Variants in CEP164 observed in about 807,000 individuals in gnomAD.
CEP164 encodes the protein centrosomal protein of 164 kDa.
A neutral mutation model predicts 182.7 loss-of-function variants in CEP164; 162 were observed. The ratio of observed to expected loss-of-function variants is 0.89; its 90% confidence interval spans 0.78 to 1.01. The LOEUF is 1.01. CEP164 is among the 50% of genes least tolerant of loss of function. The pLI is 0.00. For missense variants in CEP164, 1,735 were observed against 1,790.4 expected, an observed-to-expected ratio of 0.97 and a Z score of 0.56; for synonymous variants, 661 against 690.0, an observed-to-expected ratio of 0.96 and a Z score of 0.66.
At chr11:117,410,104 G>A (rs1027243792) in intron 30 of CEP164, 139 bp downstream of exon 30, 5 of 829,352 alleles carry the variant, frequency 6.0e-6, no homozygotes, top group African/African-American at 3.4e-5. Context: ...CTCCCCCAAC[G>A]TTACCATAGT....
chr11:117,396,205 G>A (rs2045438392), intron 25 of CEP164, 25 bp downstream of exon 25: 3 of 1,600,386 alleles, frequency 1.9e-6, no homozygotes, highest in African/African-American at 2.7e-5. Context: ...GGGGCCTGGG[G>A]GCTGGGGCAC....
intron 27 of CEP164, among the ~76,000 whole-genome samples, chr11:117,406,160 G>A (rs2046652014): frequency 6.6e-6 from 1 of 152,118 alleles, no homozygotes; most frequent in Non-Finnish European, 1.5e-5. Flanking sequence ...ACCTAAAACT[G>A]GGAAGAAAAA....
Position 117,396,125 on chromosome 11 carries a change from C to T in CEP164, c.3161C>T (p.Ser1054Phe), listed in dbSNP as rs2045423295. The T allele has an allele frequency of 6.2e-7, 1 of 1,614,152 alleles. No individual in the cohort carries two copies. The highest frequency in any genetic ancestry group is 2.2e-5 in the East Asian group (1 of 44,868). ...REVTVEENNA[S>F]PHFEPDLHIE... ...GTGACAGTTGAGGAAAATAATGCTTCCCCACATTTTGAGCCAGATCTCCAT... is the reference window on the plus strand; with the variant it reads ...GTGACAGTTGAGGAAAATAATGCTTTCCCACATTTTGAGCCAGATCTCCAT... Residue 1054 changes from serine to phenylalanine, a missense_variant, in exon 25 of 33, where the codon TCC (serine) becomes TTC (phenylalanine). Transcript: ENST00000278935.
rs942218018 is a variant in CEP164 at position 117,406,878 on chromosome 11, G to A, written c.3502-1047G>A. On this transcript the variant is annotated intron_variant, in intron 27 of 32. Coordinates refer to ENST00000278935, the MANE Select transcript of CEP164 (RefSeq NM_014956.5). Reference sequence around the variant, plus strand: ...TGGGAGGCCGGGGCGGGTGGATCACGAGGTCAGGAGTTCAAGACCAGACTG... The same window carrying A: ...TGGGAGGCCGGGGCGGGTGGATCACAAGGTCAGGAGTTCAAGACCAGACTG... Among the ~76,000 whole-genome samples, 4 of 151,934 alleles carry A rather than the reference G, an allele frequency of 2.6e-5. No homozygotes were observed. In the East Asian group the frequency reaches 5.8e-4, roughly 22 times the overall value.
chr11:117,334,831 C>G (rs1231444102), intron 1 of CEP164, among the ~76,000 whole-genome samples: 1 of 150,172 alleles, frequency 6.7e-6, no homozygotes, highest in East Asian at 1.9e-4. Flanking sequence ...ATGTATATAG[C>G]AAATTAGTCT....
chr11:117,371,042 T>C (rs1293737901), intron 8 of CEP164, 38 bp from the exon 9 acceptor site: 1 of 1,529,708 alleles, frequency 6.5e-7, no homozygotes, highest in East Asian at 2.3e-5. Context: ...TGCACATTCC[T>C]TTTGTCTTCC....
intron 17 of CEP164, 71 bp downstream of exon 17, chr11:117,391,286 A>G: frequency 7.0e-7 from 1 of 1,428,332 alleles, no homozygotes; most frequent in East Asian, 2.5e-5. Flanking sequence ...CTGAGTGCAC[A>G]AGGAGAAGAA....
Position 117,395,109 on chromosome 11 carries a change from C to G in CEP164, c.2845-14C>G. ...TCTGCAGTCAGCCAGAAAATCCTGTCTCTTCCCTGCAAGGAGGAGACCGCC... is the reference window on the plus strand; with the variant it reads ...TCTGCAGTCAGCCAGAAAATCCTGTGTCTTCCCTGCAAGGAGGAGACCGCC... On this transcript the variant is annotated splice_polypyrimidine_tract_variant and intron_variant, in intron 22 of 32. Coordinates refer to ENST00000278935, the MANE Select transcript of CEP164 (RefSeq NM_014956.5). 6.2e-7 allele frequency: 1 copy of G among 1,614,130 alleles called. No homozygotes were observed. Among genetic ancestry groups the G allele is most frequent in the African/African-American group, 1.3e-5 (1 of 75,034 alleles).
chr11:117,391,570 AT>A (rs1204341689), intron 17 of CEP164, among the ~76,000 whole-genome samples: 2 of 151,892 alleles, frequency 1.3e-5, no homozygotes, highest in Non-Finnish European at 2.9e-5. Context: ...ACTGAAAGAG[AT>A]TTAGCCAGAC....
intron 8 of CEP164, among the ~76,000 whole-genome samples, chr11:117,366,874 G>T (rs11607073): frequency 1.3e-5 from 2 of 152,088 alleles, no homozygotes; most frequent in African/African-American, 2.4e-5. Flanking sequence ...CTTTTGGGGG[G>T]CATGTTAAAT....
intron 1 of CEP164, among the ~76,000 whole-genome samples, chr11:117,331,789 C>T (rs773684774): frequency 1.3e-5 from 2 of 151,326 alleles, no homozygotes; most frequent in Non-Finnish European, 2.9e-5. Flanking sequence ...CTCTGTTGCC[C>T]AGGCTGGAGT....
Position 117,409,900 on chromosome 11 carries a change from TC to T in CEP164, c.4035del (p.Ser1346ProfsTer67). On this transcript the variant is annotated frameshift_variant, in exon 30 of 33. Transcript: ENST00000278935. LOFTEE classifies it high-confidence loss of function. This position sits in a 1 kb window ranked among gnomAD's most constrained non-coding sequence, Gnocchi z 4.4. The part of the protein sequence containing the change: ...WAWDSGQGPR[L>X]PSSVAQTVDD... ...TGGGATTCAGGGCAGGGGCCCAGGC[TC>T]CCCTCCTCTGTGGCTCAAACGGTGG... 6.2e-7 allele frequency: 1 copy of T among 1,612,598 alleles called. No individual in the cohort carries two copies. The highest frequency in any genetic ancestry group is 8.5e-7 in the Non-Finnish European group (1 of 1,179,856).
At chr11:117,342,314 A>G (rs1592027397) in intron 3 of CEP164, among the ~76,000 whole-genome samples, 1 of 152,082 alleles carries the variant, frequency 6.6e-6, no homozygotes, top group East Asian at 1.9e-4. Flanking sequence ...GGGTATGTCA[A>G]CCTCCAGATT....
chr11:117,382,624 A>G lies in CEP164; in HGVS notation c.1578-172A>G, dbSNP rs564810378. 33 of 702,926 alleles carry G rather than the reference A, an allele frequency of 4.7e-5. No homozygotes were observed. In the East Asian group the frequency reaches 7.7e-4, roughly 16 times the overall value. The allele number at this position is 702,926 out of a possible 1,614,324, so 43.5% of individuals were successfully genotyped here. On this transcript the variant is annotated intron_variant, in intron 13 of 32. Transcript: ENST00000278935. ...CAGGAGTCTCTAGTCTTTGATGCAA[A>G]TAATTCAGGGAGAGGAAGGGCGGGG...
intron 4 of CEP164, among the ~76,000 whole-genome samples, chr11:117,349,897 C>T (rs2039402654): frequency 6.6e-6 from 1 of 152,014 alleles, no homozygotes; most frequent in Admixed American, 6.6e-5. Flanking sequence ...GCCTTAGCCT[C>T]CTGAGTAGCT....
chr11:117,344,113 T>G, intron 3 of CEP164, 53 bp from the exon 4 acceptor site: 1 of 1,037,980 alleles, frequency 9.6e-7, no homozygotes, highest in South Asian at 1.5e-5. Context: ...AGATTGTGAG[T>G]TTTTTTCTTC....
chr11:117,390,752 A>G, intron 15 of CEP164, 25 bp from the exon 16 acceptor site: 1 of 1,613,686 alleles, frequency 6.2e-7, no homozygotes, highest in Non-Finnish European at 8.5e-7. Flanking sequence ...TTCTCTGACA[A>G]CCTAGCCTTT....
At chr11:117,330,518 AGG>A (rs2036037879) in intron 1 of CEP164, among the ~76,000 whole-genome samples, 2 of 152,136 alleles carry the variant, frequency 1.3e-5, no homozygotes, top group African/African-American at 4.8e-5. Flanking sequence ...GCGTGGTGGC[AGG>A]CGCCTGTAAT....
intron 27 of CEP164, among the ~76,000 whole-genome samples, chr11:117,403,847 T>C (rs1441453490): frequency 2.0e-5 from 3 of 152,124 alleles, no homozygotes; most frequent in South Asian, 4.1e-4. Context: ...GAGGCTTTGC[T>C]TGTTCCTTTT....
Sources: gnomAD v4.1 joint callset for allele counts (sites outside exome capture counted in the v4.1 genomes callset) on GRCh38, gnomAD v4.1.1 for gene constraint, Gnocchi (gnomAD v3.1) non-coding constraint, MANE v1.5 for transcripts, NCBI Gene and HGNC (gene_info 2026-07-23, HGNC 2026-07-21) for gene names.